Variants in MSI1 observed in about 807,000 individuals in gnomAD.
The protein encoded by MSI1 is musashi RNA binding protein 1, also known as RNA-binding protein Musashi homolog 1.
MSI1 carries 15 observed loss-of-function variants against 54.4 expected under a neutral mutation model. The observed-to-expected ratio is 0.28, with a 90% CI of 0.18 to 0.42. The LOEUF is 0.42. Among genes scored for constraint, MSI1 ranks in the 20% least tolerant of loss-of-function variants. The pLI, the probability that MSI1 is intolerant of heterozygous loss-of-function variation, is 1.00. For synonymous variants in MSI1, 200 were observed against 196.5 expected (o/e 1.02, Z -0.15); for missense variants, 304 against 506.0 (o/e 0.60, Z 3.83).
At chr12:120,365,825 C>G (rs1239334859) in intron 4 of MSI1, among the ~76,000 whole-genome samples, 2 of 152,242 alleles carry the variant, frequency 1.3e-5, no homozygotes, top group African/African-American at 2.4e-5. Flanking sequence ...CACTCGAACT[C>G]TGTGAGCCTC....
In MSI1 at chr12:120,342,951, G is replaced by A. The variant is rs1176046563; in HGVS notation, c.*176C>T. ...GACGTTAGTAGGGGAGCCAGACGCT[G>A]TTGGGGGCAGCAGGGCAGGGGCCGG... On this transcript the variant is annotated 3_prime_UTR_variant, in exon 15 of 15. Transcript: ENST00000257552. The A allele has an allele frequency of 1.3e-5, 2 of 150,514 alleles. No individual in the cohort carries two copies. The highest frequency in any genetic ancestry group is 2.9e-5 in the Non-Finnish European group (2 of 67,850). 9.3% of individuals were successfully genotyped at this position (150,514 alleles called of 1,614,324 possible).
intron 6 of MSI1, 115 bp downstream of exon 6, chr12:120,362,928 G>A: frequency 1.1e-6 from 1 of 906,532 alleles, no homozygotes; most frequent in Non-Finnish European, 1.8e-6. Context: ...GCAGGATCCA[G>A]CCCCACTCTC....
intron 11 of MSI1, 68 bp from the exon 12 acceptor site, chr12:120,347,582 C>T: frequency 6.3e-7 from 1 of 1,590,360 alleles, no homozygotes; most frequent in East Asian, 2.2e-5. Flanking sequence ...GAGGCCCCTA[C>T]CTTTTAGGCA....
chr12:120,355,232 C>T (rs1195479724), intron 9 of MSI1, among the ~76,000 whole-genome samples: 2 of 151,460 alleles, frequency 1.3e-5, no homozygotes, highest in African/African-American at 2.4e-5. Context: ...AGTGAAACCC[C>T]GTCTCTACTA....
chr12:120,358,981 G>A (rs111990942), intron 7 of MSI1, 24 bp downstream of exon 7: 1 of 1,564,946 alleles, frequency 6.4e-7, no homozygotes, highest in South Asian at 1.2e-5. Flanking sequence ...CCCAGCCTGG[G>A]AAGGGGGAGG....
chr12:120,339,677 T>G (rs1283090699), downstream of MSI1, among the ~76,000 whole-genome samples: 1 of 152,078 alleles, frequency 6.6e-6, no homozygotes, highest in Non-Finnish European at 1.5e-5. Flanking sequence ...ATGAAATTCC[T>G]GAGTGAAAGA....
At position 120,359,014 on chromosome 12, in the gene MSI1, G is replaced by A. The variant is rs1210336675; in HGVS notation, c.442C>T (p.Arg148Trp). The A allele has an allele frequency of 1.9e-6, 3 of 1,565,314 alleles. No individual in the cohort carries two copies. Among genetic ancestry groups the A allele is most frequent in the Non-Finnish European group, 2.6e-6 (3 of 1,154,796 alleles). Residue 148 changes from arginine (R) to tryptophan (W), a missense_variant, in exon 7 of 15, where the codon CGG becomes TGG. By Grantham distance (101) the Arg-to-Trp change is moderately radical. This residue lies in a region of MSI1 where 105 missense variants were observed against 230.1 expected (regional missense o/e 0.46). Transcript: ENST00000257552. ...AMLMFDKTTN[R>W]HRGFGFVTFE... ...AGGGGGCCACACTCACCTCGGTGCC[G>A]GTTGGTGGTTTTGTCAAACATCAGC...
chr12:120,363,446 A>G (rs1454571581), intron 5 of MSI1, among the ~76,000 whole-genome samples: 1 of 152,144 alleles, frequency 6.6e-6, no homozygotes, highest in East Asian at 1.9e-4. Context: ...CCAGACCCAC[A>G]GCCTAACACT....
intron 9 of MSI1, 133 bp downstream of exon 9, chr12:120,356,769 T>G (rs1001951212): frequency 1.2e-6 from 1 of 810,098 alleles, no homozygotes; most frequent in Non-Finnish European, 2.0e-6. Context: ...ACAGATCCCT[T>G]GTCCCCACTC....
chr12:120,351,264 G>A, intron 11 of MSI1, 80 bp downstream of exon 11: 1 of 1,327,694 alleles, frequency 7.5e-7, no homozygotes. Context: ...GATCCCGCTA[G>A]CTTTCCCCAG....
intron 10 of MSI1, among the ~76,000 whole-genome samples, chr12:120,352,226 C>G (rs1874674745): frequency 6.6e-6 from 1 of 152,056 alleles, no homozygotes; most frequent in African/African-American, 2.4e-5. Context: ...AGGCTGATCT[C>G]AAACTCATGG....
rs2136935252 is a variant in MSI1, at chr12:120,353,285, T to C, written c.733+14A>G. On this transcript the variant is annotated intron_variant, in intron 10 of 14. Coordinates refer to ENST00000257552, the MANE Select transcript of MSI1 (RefSeq NM_002442.4). Reference sequence around the variant, plus strand: ...GGGCATGCTGGCAGCAGAGGGATACTGAGCAGGACTTACCGGGGAACTGGT... The same window carrying C: ...GGGCATGCTGGCAGCAGAGGGATACCGAGCAGGACTTACCGGGGAACTGGT... 1.2e-6 allele frequency: 2 copies of C among 1,613,066 alleles called. No homozygotes were observed. Among genetic ancestry groups the C allele is most frequent in the Non-Finnish European group, 1.7e-6 (2 of 1,179,098 alleles).
intron 14 of MSI1, among the ~76,000 whole-genome samples, chr12:120,344,589 G>A (rs1873955533): frequency 6.6e-6 from 1 of 152,132 alleles, no homozygotes; most frequent in African/African-American, 2.4e-5. Flanking sequence ...TGCTCTTGTG[G>A]TCCCCGCTAC....
At chr12:120,354,618 A>G (rs1291285310) in intron 9 of MSI1, among the ~76,000 whole-genome samples, 1 of 152,096 alleles carries the variant, frequency 6.6e-6, no homozygotes, top group Non-Finnish European at 1.5e-5. Flanking sequence ...TTTAGTTGAG[A>G]CAGGGTTTCT....
Position 120,343,653 on chromosome 12 carries a change from A to G in MSI1, c.*22-548T>C, listed in dbSNP as rs73416920. 8.1e-3 allele frequency among the ~76,000 whole-genome samples: 1,238 copies of G among 152,336 alleles called. 26 individuals carry two copies. The highest frequency in any genetic ancestry group is 0.029 in the African/African-American group (1,197 of 41,576). On this transcript the variant is annotated intron_variant, in intron 14 of 14. Transcript: ENST00000257552. ...CACATCTAAAATAGCCCTGTCATGCACAGTCTGGAATTATCTCATATGTTC... is the reference window on the plus strand; with the variant it reads ...CACATCTAAAATAGCCCTGTCATGCGCAGTCTGGAATTATCTCATATGTTC...
intron 13 of MSI1, 21 bp from the exon 14 acceptor site, chr12:120,345,653 C>T (rs1440138954): frequency 3.7e-6 from 6 of 1,613,730 alleles, no homozygotes; most frequent in Admixed American, 1.7e-5. Context: ...AAGAATTTGA[C>T]TCCTAGATTC....
chr12:120,365,149 G>T (rs777064227), intron 4 of MSI1, among the ~76,000 whole-genome samples: 1 of 152,090 alleles, frequency 6.6e-6, no homozygotes, highest in East Asian at 1.9e-4. Flanking sequence ...GACCTCAGGT[G>T]AGCCGCCCGC....
At position 120,356,898 on chromosome 12, in the gene MSI1, A is replaced by G. The variant is rs771367942; in HGVS notation, c.652+4T>C. On this transcript the variant is annotated splice_donor_region_variant and intron_variant, in intron 9 of 14. Coordinates refer to ENST00000257552, the MANE Select transcript of MSI1 (RefSeq NM_002442.4). ...AGAAGCCGCAGGCGCAGGCTCGCGC[A>G]TACCCAGCATGCCGATGCCCAGCAT... 21 of 1,613,148 alleles carry G rather than the reference A, an allele frequency of 1.3e-5. No homozygotes were observed. Among genetic ancestry groups the G allele is most frequent in the Non-Finnish European group, 1.8e-5 (21 of 1,179,636 alleles).
At position 120,368,812 on chromosome 12, in the gene MSI1, G is replaced by A; in HGVS notation, c.100+21C>T. ...TCCGGGGTGCCCTGCCGGACCGGCG[G>A]GCGCTCCCGGGCTCGCTCACCCTGC... On this transcript the variant is annotated intron_variant, in intron 2 of 14. Coordinates refer to ENST00000257552, the MANE Select transcript of MSI1 (RefSeq NM_002442.4). This position sits in a 1 kb window ranked among gnomAD's most constrained non-coding sequence, Gnocchi z 6.6. The A allele has an allele frequency of 1.4e-6, 2 of 1,406,008 alleles. No homozygotes were observed. The highest frequency in any genetic ancestry group is 1.9e-6 in the Non-Finnish European group (2 of 1,064,760). 87.1% of individuals were successfully genotyped at this position (1,406,008 alleles called of 1,614,324 possible). A position where few individuals can be genotyped will look rare whatever the true frequency, so the allele number is the denominator to read the frequency against.
Sources: gnomAD v4.1 joint callset for allele counts (sites outside exome capture counted in the v4.1 genomes callset) on GRCh38, gnomAD v4.1.1 for gene constraint, gnomAD v4.1.1 regional missense constraint, Gnocchi (gnomAD v3.1) non-coding constraint, MANE v1.5 for transcripts, NCBI Gene and HGNC (gene_info 2026-07-23, HGNC 2026-07-21) for gene names.